Variants in AGRN observed in about 807,000 individuals in gnomAD.
The protein encoded by AGRN is agrin.
A neutral mutation model predicts 211.0 loss-of-function variants in AGRN; 106 were observed. That is an observed-to-expected ratio of 0.50 (90% CI 0.43 to 0.59). The LOEUF is 0.59. AGRN is among the 20% of genes least tolerant of loss of function. The probability of loss-of-function intolerance (pLI) is 0.00; values close to 1 mark genes in which losing one functional copy is unlikely to be tolerated. For missense variants in AGRN, 3,040 were observed against 2,982.6 expected (o/e 1.02, Z -0.45); for synonymous variants, 1,525 against 1,332.5 (o/e 1.14, Z -3.15).
chr1:1,050,890 C>T lies in AGRN; in HGVS notation c.5253+53C>T, dbSNP rs548718325. 1.6e-5 allele frequency: 25 copies of T among 1,517,974 alleles called. No individual in the cohort carries two copies. The East Asian group carries it at 2.0e-4, about 12-fold the overall frequency. The allele number at this position is 1,517,974 out of a possible 1,614,324, so 94.0% of individuals were successfully genotyped here. A position where few individuals can be genotyped will look rare whatever the true frequency, so the allele number is the denominator to read the frequency against. Reference sequence around the variant, plus strand: ...CCCGCTGCTGCCTGCTCTTCCTCCTCGGGCGGCAGCCCCGCCCCTGCCGGC... The same window carrying T: ...CCCGCTGCTGCCTGCTCTTCCTCCTTGGGCGGCAGCCCCGCCCCTGCCGGC... On this transcript the variant is annotated intron_variant, in intron 30 of 35. Transcript: ENST00000379370.
In AGRN at chr1:1,046,411, A is replaced by G; in HGVS notation, c.2926A>G (p.Ser976Gly). The change falls in exon 18 of 36, where the codon AGC becomes GGC. Residue 976 changes from serine to glycine, a missense_variant. Physicochemically the swap from Ser to Gly is moderately conservative, Grantham distance 56 (BLOSUM62 0). This residue lies in a region of AGRN where 1,498 missense variants were observed against 1,457.8 expected (regional missense o/e 1.03). Coordinates refer to ENST00000379370, the MANE Select transcript of AGRN (RefSeq NM_198576.4). Reference sequence around the variant, plus strand: ...TCTCCTTGCAGAGGCTGTTGCTCCCAGCACTCACCCGACATCTGCCTCCGT... The same window carrying G: ...TCTCCTTGCAGAGGCTGTTGCTCCCGGCACTCACCCGACATCTGCCTCCGT... ...LGPCQEAVAP[S>G]THPTSASVTV... 1 of 1,609,918 alleles carries G rather than the reference A, an allele frequency of 6.2e-7. No individual in the cohort carries two copies. The highest frequency in any genetic ancestry group is 1.7e-5 in the Admixed American group (1 of 59,714).
Position 1,031,729 on chromosome 1 carries a change from C to G in AGRN, c.464-3548C>G, listed in dbSNP as rs769211529. ...GTGTTTGAGGCCCCCTCTGCCAGCC[C>G]GTACCTGGGGCTCCCCCACCCCTCC... On this transcript the variant is annotated intron_variant, in intron 2 of 35. Coordinates refer to ENST00000379370, the MANE Select transcript of AGRN (RefSeq NM_198576.4). This position sits in a 1 kb window ranked among gnomAD's most constrained non-coding sequence, Gnocchi z 4.8. 1.3e-5 allele frequency among the ~76,000 whole-genome samples: 2 copies of G among 152,230 alleles called. No individual in the cohort carries two copies. The highest frequency in any genetic ancestry group is 4.8e-5 in the African/African-American group (2 of 41,466).
At chr1:1,036,384 G>A (rs1325484387) in intron 3 of AGRN, among the ~76,000 whole-genome samples, 2 of 152,156 alleles carry the variant, frequency 1.3e-5, no homozygotes, top group Non-Finnish European at 2.9e-5. Flanking sequence ...TCGGAGTGTG[G>A]AGTTTAGGCA....
rs991142282 is a variant in AGRN at position 1,053,947 on chromosome 1, C to G, written c.5846C>G (p.Thr1949Ser). ...CTGCGTTCCACCGTGCCCGTCAACA[C>G]CAACCGCTGGTTGCGGGTCGTGGCA... is the stretch of plus-strand genomic sequence containing the variant. ...VVLRSTVPVNTNRWLRVVAHR... is the reference protein window; with the variant it reads ...VVLRSTVPVNSNRWLRVVAHR... Residue 1949 changes from threonine (T) to serine (S), a missense_variant, in exon 34 of 36, where the codon ACC becomes AGC. Physicochemically the swap from Thr to Ser is moderately conservative, Grantham distance 58. Coordinates refer to ENST00000379370, the MANE Select transcript of AGRN (RefSeq NM_198576.4). 1 of 1,603,742 alleles carries G rather than the reference C, an allele frequency of 6.2e-7. No individual in the cohort carries two copies. The highest frequency in any genetic ancestry group is 2.2e-5 in the East Asian group (1 of 44,500).
rs1029364217 is a variant in AGRN at position 1,055,679 on chromosome 1, C to T, written c.*698C>T. 1.3e-5 allele frequency: 2 copies of T among 156,424 alleles called. No homozygotes were observed. The highest frequency in any genetic ancestry group is 2.8e-5 in the Non-Finnish European group (2 of 70,646). The allele number at this position is 156,424 out of a possible 1,614,324, so 9.7% of individuals were successfully genotyped here. A position where few individuals can be genotyped will look rare whatever the true frequency, so the allele number is the denominator to read the frequency against. ...GGAGCTCACTGTGGGATGGGGTTGACCTCTGCCGCCTGCCTGGGTATCTGG... is the reference window on the plus strand; with the variant it reads ...GGAGCTCACTGTGGGATGGGGTTGATCTCTGCCGCCTGCCTGGGTATCTGG... On this transcript the variant is annotated 3_prime_UTR_variant, in exon 36 of 36. Transcript: ENST00000379370.
chr1:1,035,052 G>C (rs1449549386), intron 2 of AGRN: 1 of 632,538 alleles, frequency 1.6e-6, no homozygotes, highest in African/African-American at 1.8e-5. Flanking sequence ...ACAGGGGTCA[G>C]GCCATGACTA....
At chr1:1,026,667 A>C (rs1270317967) in intron 2 of AGRN, among the ~76,000 whole-genome samples, 3 of 151,796 alleles carry the variant, frequency 2.0e-5, no homozygotes, top group Non-Finnish European at 4.4e-5. Context: ...CCCCCTCCCC[A>C]CTTGGACTGG....
rs1360078432 is a variant in AGRN at position 1,054,944 on chromosome 1, T to G, written c.6101T>G (p.Val2034Gly). The G allele has an allele frequency of 6.5e-7, 1 of 1,548,942 alleles. No homozygotes were observed. Among genetic ancestry groups the G allele is most frequent in the Non-Finnish European group, 8.7e-7 (1 of 1,147,194 alleles). Residue 2034 changes from valine to glycine, a missense_variant, in exon 36 of 36, where the codon GTC becomes GGC. Physicochemically the swap from Val to Gly is moderately radical, Grantham distance 109 (BLOSUM62 -3). Coordinates refer to ENST00000379370, the MANE Select transcript of AGRN (RefSeq NM_198576.4). Reference sequence around the variant, plus strand: ...CCGCTGCACCTGCTGGAGGACGCCGTCACCAAGCCAGAGCTGCGGCCCTGC... The same window carrying G: ...CCGCTGCACCTGCTGGAGGACGCCGGCACCAAGCCAGAGCTGCGGCCCTGC... ...RHPLHLLEDAVTKPELRPCPT... is the reference protein window; with the variant it reads ...RHPLHLLEDAGTKPELRPCPT...
At chr1:1,020,662 G>C (rs1022326653) in intron 1 of AGRN, among the ~76,000 whole-genome samples, 3 of 150,590 alleles carry the variant, frequency 2.0e-5, no homozygotes, top group Non-Finnish European at 4.4e-5. Flanking sequence ...TACCGGCCGA[G>C]AAGGAGAGGG....
chr1:1,034,555 C>T (rs1644754329), intron 2 of AGRN: 5 of 986,496 alleles, frequency 5.1e-6, no homozygotes, highest in Non-Finnish European at 4.8e-6. Context: ...AGCCCCGGGC[C>T]ATGCCTCCGC....
At chr1:1,028,208 G>A (rs888386067) in intron 2 of AGRN, among the ~76,000 whole-genome samples, 1 of 152,148 alleles carries the variant, frequency 6.6e-6, no homozygotes, top group Non-Finnish European at 1.5e-5. Context: ...GGGCGGAAGA[G>A]AGGGCTGGGG....
chr1:1,054,382 C>T, intron 34 of AGRN, 66 bp from the exon 35 acceptor site: 2 of 1,393,848 alleles, frequency 1.4e-6, no homozygotes, highest in South Asian at 2.5e-5. Context: ...GGATGCAGGG[C>T]TTATGGTCTA....
In AGRN at chr1:1,049,449, C is replaced by T. The variant is rs759230236; in HGVS notation, c.4512C>T (p.Ala1504=). 1.6e-5 allele frequency: 26 copies of T among 1,599,718 alleles called. No individual in the cohort carries two copies. Among genetic ancestry groups the T allele is most frequent in the African/African-American group, 4.0e-5 (3 of 74,856 alleles). The change falls in exon 25 of 36, where the codon GCC becomes GCT. Residue 1504 remains alanine (A), a splice_region_variant and synonymous_variant. Transcript: ENST00000379370. ...GCGGCGTACCCGAGGACCAGGCTGCCGTGTGAGTCCCTTGGAGGGTGGTGT... is the reference window on the plus strand; with the variant it reads ...GCGGCGTACCCGAGGACCAGGCTGCTGTGTGAGTCCCTTGGAGGGTGGTGT... ...FVGGVPEDQA[A]VALERTFVGA...
In AGRN at chr1:1,048,753, G is replaced by C. The variant is rs1212385138; in HGVS notation, c.4106-114G>C. 5.6e-6 allele frequency: 7 copies of C among 1,256,750 alleles called. No homozygotes were observed. The highest frequency in any genetic ancestry group is 1.9e-5 in the African/African-American group (1 of 53,176). 77.8% of individuals were successfully genotyped at this position (1,256,750 alleles called of 1,614,324 possible). On this transcript the variant is annotated intron_variant, in intron 23 of 35. Transcript: ENST00000379370. The surrounding 1 kb of genome is among the most constrained non-coding windows in gnomAD (Gnocchi z 5.9). ...CTGCACTCCAGCCGGGGCAAAAAGA[G>C]CAAAACTCCGTCTCAAAAAAAAAAA...
At chr1:1,021,221 C>T (rs771653325) in intron 1 of AGRN, among the ~76,000 whole-genome samples, 28 of 152,236 alleles carry the variant, frequency 1.8e-4, no homozygotes, top group Non-Finnish European at 2.8e-4. Flanking sequence ...TCCTCCACAG[C>T]GGCCAGGGCA....
chr1:1,046,881 C>T lies in AGRN; in HGVS notation c.3312C>T (p.Ser1104=). 1 of 1,586,904 alleles carries T rather than the reference C, an allele frequency of 6.3e-7. No homozygotes were observed. Among genetic ancestry groups the T allele is most frequent in the Non-Finnish European group, 8.6e-7 (1 of 1,168,170 alleles). ...CTGGGCCACCTGTCGAGAGGGCTTC[C>T]TGCTACAACTCCGCGTTGGGCTGCT... ...ATPGPPVERA[S]CYNSALGCCS... Residue 1104 remains serine, a synonymous_variant, in exon 19 of 36, where the codon TCC becomes TCT. Transcript: ENST00000379370.
chr1:1,030,143 ATGTGTG>A (rs761937624), intron 2 of AGRN, among the ~76,000 whole-genome samples: 8 of 7,878 alleles, frequency 1.0e-3, no homozygotes, highest in African/African-American at 2.7e-3. Flanking sequence ...TGAGATCAGC[ATGTGTG>A]TGTGTGTGTG....
intron 5 of AGRN, 28 bp downstream of exon 5, chr1:1,041,425 G>A (rs1293414485): frequency 3.2e-6 from 5 of 1,547,102 alleles, no homozygotes; most frequent in Admixed American, 1.9e-5. Flanking sequence ...CGCACGGCTC[G>A]AGCTCTGTGG....
intron 3 of AGRN, among the ~76,000 whole-genome samples, chr1:1,035,746 G>A (rs1374992520): frequency 6.6e-6 from 1 of 152,148 alleles, no homozygotes; most frequent in African/African-American, 2.4e-5. Context: ...GGAAGGCTGA[G>A]CTGGGGGAGG....
Sources: allele counts gnomAD v4.1 joint callset (sites outside exome capture counted in the v4.1 genomes callset), GRCh38; gene constraint gnomAD v4.1.1; regional missense constraint gnomAD v4.1.1; non-coding constraint Gnocchi (gnomAD v3.1); transcripts MANE v1.5; gene names NCBI Gene and HGNC (gene_info 2026-07-23, HGNC 2026-07-21).